The following POC5 variants were observed in gnomAD, a reference collection of about 807,000 sequenced individuals.
POC5 encodes the protein centrosomal protein POC5.
A neutral mutation model predicts 62.9 loss-of-function variants in POC5; 48 were observed. That is an observed-to-expected ratio of 0.76 (90% CI 0.61 to 0.97). The LOEUF (loss-of-function observed/expected upper bound fraction) is 0.97. Among genes scored for constraint, POC5 ranks in the 50% least tolerant of loss-of-function variants. The pLI, the probability that POC5 is intolerant of heterozygous loss-of-function variation, is 0.00. For synonymous variants in POC5, 236 were observed against 228.2 expected, an observed-to-expected ratio of 1.03 and a Z score of -0.31; for missense variants, 696 against 679.5, an observed-to-expected ratio of 1.02 and a Z score of -0.27.
intron 9 of POC5, among the ~76,000 whole-genome samples, chr5:75,686,778 T>G (rs183075180): frequency 3.9e-5 from 6 of 152,250 alleles, no homozygotes; most frequent in Admixed American, 3.3e-4. Flanking sequence ...AATTTTTCAC[T>G]TGTCAAGTAT....
chr5:75,675,725 T>C (rs999259202), intron 11 of POC5, among the ~76,000 whole-genome samples: 6 of 152,218 alleles, frequency 3.9e-5, no homozygotes, highest in African/African-American at 1.4e-4. Context: ...GCCACTAACC[T>C]GAGCCTGCCA....
rs1411831291 is a variant in POC5 at position 75,677,897 on chromosome 5, T to C, written c.1461A>G (p.Thr487=). The change falls in exon 11 of 12, where the codon ACA becomes ACG. Residue 487 remains threonine (T), a synonymous_variant. Transcript: ENST00000428202. ...AATCACATCTTCCTGTGATCCGGGC[T>C]GTAATAGTTCTTCCTGCTTTCTGTT... is the stretch of plus-strand genomic sequence containing the variant. The part of the protein sequence containing the change: ...SAQQKAGRTI[T]ARITGRCDFA... 6.2e-7 allele frequency: 1 copy of C among 1,611,598 alleles called. No homozygotes were observed. The highest frequency in any genetic ancestry group is 8.5e-7 in the Non-Finnish European group (1 of 1,178,756).
At chr5:75,714,771 C>T (rs112159319) in intron 1 of POC5, among the ~76,000 whole-genome samples, 4 of 152,092 alleles carry the variant, frequency 2.6e-5, no homozygotes, top group African/African-American at 9.7e-5. Flanking sequence ...TGTGGTCACA[C>T]TGGCTACGTA....
chr5:75,716,852 T>C (rs2112230690), intron 1 of POC5, among the ~76,000 whole-genome samples: 1 of 152,150 alleles, frequency 6.6e-6, no homozygotes, highest in Middle Eastern at 3.4e-3. Context: ...AGCAGGGTGA[T>C]GTCGCCTGTG....
intron 7 of POC5, 93 bp from the exon 8 acceptor site, chr5:75,690,655 A>G (rs1561468101): frequency 9.7e-7 from 1 of 1,027,680 alleles, no homozygotes. Flanking sequence ...AAGTGTACAT[A>G]TACACATTAT....
intron 10 of POC5, among the ~76,000 whole-genome samples, chr5:75,682,319 A>G (rs1775898846): frequency 6.6e-6 from 1 of 152,240 alleles, no homozygotes. Flanking sequence ...GTTACATTTT[A>G]GGAAGAGAAT....
intron 8 of POC5, 38 bp downstream of exon 8, chr5:75,690,345 G>A (rs1776274938): frequency 2.0e-6 from 3 of 1,537,922 alleles, no homozygotes; most frequent in South Asian, 1.2e-5. Flanking sequence ...TCTTTTTATT[G>A]TATTAGAAGA....
chr5:75,678,067 C>A (rs548578816), intron 10 of POC5, 117 bp from the exon 11 acceptor site: 2 of 769,402 alleles, frequency 2.6e-6, no homozygotes, highest in Non-Finnish European at 3.6e-6. Context: ...TATGTTCAAC[C>A]AACTTTAACA....
In POC5 at chr5:75,689,087, TCATGGAA is replaced by T; in HGVS notation, c.1047_1053del (p.Asp349GlufsTer6). The T allele has an allele frequency of 6.2e-7, 1 of 1,601,634 alleles. No homozygotes were observed. The highest frequency in any genetic ancestry group is 8.5e-7 in the Non-Finnish European group (1 of 1,173,632). On this transcript the variant is annotated frameshift_variant, in exon 9 of 12. Coordinates refer to ENST00000428202, the MANE Select transcript of POC5 (RefSeq NM_001099271.2). LOFTEE classifies it high-confidence loss of function. ...CATACACCCCTCATGAAAGCTTTTT[TCATGGAA>T]TCTTCAAAGTGCTCTTTTTCATGTT...
intron 9 of POC5, among the ~76,000 whole-genome samples, chr5:75,686,675 C>T (rs1776109478): frequency 6.6e-6 from 1 of 152,136 alleles, no homozygotes; most frequent in Non-Finnish European, 1.5e-5. Flanking sequence ...GTATGAAGGT[C>T]AGGGAAGAGA....
At chr5:75,689,995 C>T (rs894929861) in intron 8 of POC5, among the ~76,000 whole-genome samples, 2 of 152,142 alleles carry the variant, frequency 1.3e-5, no homozygotes, top group Non-Finnish European at 2.9e-5. Flanking sequence ...AAAAGATTAT[C>T]CTGCCTCAGC....
chr5:75,711,066 T>G (rs1026072284), intron 2 of POC5, among the ~76,000 whole-genome samples: 1 of 152,236 alleles, frequency 6.6e-6, no homozygotes, highest in African/African-American at 2.4e-5. Context: ...TAGTATTCCA[T>G]GACCATATAT....
intron 7 of POC5, among the ~76,000 whole-genome samples, chr5:75,691,557 G>T (rs903608621): frequency 1.7e-4 from 26 of 152,154 alleles, no homozygotes; most frequent in African/African-American, 6.3e-4. Flanking sequence ...GGTGTGATAT[G>T]AAACATAATC....
chr5:75,708,665 T>C (rs1263294730), intron 2 of POC5, among the ~76,000 whole-genome samples: 1 of 152,228 alleles, frequency 6.6e-6, no homozygotes, highest in East Asian at 1.9e-4. Context: ...AAATCTATAC[T>C]ACTGTAGTTT....
At chr5:75,675,879 A>C (rs1775631109) in intron 11 of POC5, among the ~76,000 whole-genome samples, 2 of 152,248 alleles carry the variant, frequency 1.3e-5, no homozygotes, top group African/African-American at 4.8e-5. Flanking sequence ...ACAGTGTCAC[A>C]AATCGCATCC....
intron 1 of POC5, among the ~76,000 whole-genome samples, chr5:75,716,545 G>C (rs181014381): frequency 6.6e-6 from 1 of 152,294 alleles, no homozygotes; most frequent in Admixed American, 6.5e-5. Flanking sequence ...AACAAGGTAT[G>C]AGTTATTTGA....
At chr5:75,675,778 GA>G (rs1488727836) in intron 11 of POC5, among the ~76,000 whole-genome samples, 31 of 152,200 alleles carry the variant, frequency 2.0e-4, no homozygotes, top group African/African-American at 7.2e-4. Flanking sequence ...AGGAACTGTA[GA>G]AATAAAGTAG....
Position 75,702,747 on chromosome 5 carries a change from T to C in POC5, c.371A>G (p.His124Arg), listed in dbSNP as rs866298879. ...TGGTGAGGAAGAGTCAGCTAAAAGATGTGAACTGAAAAAATCCATGACTGG... is the reference window on the plus strand; with the variant it reads ...TGGTGAGGAAGAGTCAGCTAAAAGACGTGAACTGAAAAAATCCATGACTGG... The part of the protein sequence containing the change: ...SHPVMDFFSS[H>R]LLADSSSPAT... Residue 124 changes from histidine (H) to arginine (R), a missense_variant, in exon 5 of 12, where the codon CAT becomes CGT. Physicochemically the swap from His to Arg is conservative, Grantham distance 29 (BLOSUM62 0). Coordinates refer to ENST00000428202, the MANE Select transcript of POC5 (RefSeq NM_001099271.2). 2 of 1,601,430 alleles carry C rather than the reference T, an allele frequency of 1.2e-6. No individual in the cohort carries two copies. Among genetic ancestry groups the C allele is most frequent in the East Asian group, 2.2e-5 (1 of 44,676 alleles).
intron 2 of POC5, among the ~76,000 whole-genome samples, chr5:75,708,101 T>C (rs759531524): frequency 6.6e-6 from 1 of 152,222 alleles, no homozygotes; most frequent in African/African-American, 2.4e-5. Context: ...GACTCATGCC[T>C]GTAAACTCAG....
Sources: gnomAD v4.1 joint callset for allele counts (sites outside exome capture counted in the v4.1 genomes callset) on GRCh38, gnomAD v4.1.1 for gene constraint, MANE v1.5 for transcripts, NCBI Gene and HGNC (gene_info 2026-07-23, HGNC 2026-07-21) for gene names.